SLC6A16: variants seen among roughly 807,000 people sequenced by gnomAD.
SLC6A16 encodes solute carrier family 6 member 16.
SLC6A16 carries 54 observed loss-of-function variants against 65.4 expected under a neutral mutation model. The ratio of observed to expected loss-of-function variants is 0.83; its 90% confidence interval spans 0.66 to 1.04. SLC6A16 has a LOEUF of 1.04. Ranked by LOEUF, SLC6A16 falls within the 50% of genes least tolerant of loss-of-function variation. The pLI is 0.00. For synonymous variants in SLC6A16, 330 were observed against 346.5 expected (o/e 0.95, Z 0.53); for missense variants, 816 against 914.0 (o/e 0.89, Z 1.38).
chr19:49,294,638 G>A (rs1007783272), intron 7 of SLC6A16, 85 bp from the exon 8 acceptor site: 2 of 1,215,016 alleles, frequency 1.6e-6, no homozygotes. Flanking sequence ...GATAAAAAAG[G>A]CTATCACTGG....
In SLC6A16 at chr19:49,309,014, A is replaced by G. The variant is rs544732904; in HGVS notation, c.1091T>C (p.Met364Thr). The G allele has an allele frequency of 3.1e-6, 5 of 1,614,238 alleles. No individual in the cohort carries two copies. The East Asian group carries it at 8.9e-5, about 29-fold the overall frequency. ...LGSVASLASY[M>T]PQSNNCLSDA... is the part of the protein sequence containing the mutation. ...ACTGAGACAGTTGTTGGACTGGGGC[A>G]TGTAGGAGGCTAAGGAGGCAACGGA... The change falls in exon 7 of 12, where the codon ATG becomes ACG. Residue 364 changes from methionine to threonine, a missense_variant. By Grantham distance (81) the Met-to-Thr change is moderately conservative. Coordinates refer to ENST00000335875, the MANE Select transcript of SLC6A16 (RefSeq NM_014037.3).
At chr19:49,309,508 GT>G in intron 5 of SLC6A16, 97 bp from the exon 6 acceptor site, 6 of 1,274,168 alleles carry the variant, frequency 4.7e-6, no homozygotes, top group Non-Finnish European at 6.7e-6. Context: ...ATGAGTAGGA[GT>G]TAGAAGAAAG....
At chr19:49,307,110 T>C (rs918659819) in intron 7 of SLC6A16, among the ~76,000 whole-genome samples, 7 of 148,322 alleles carry the variant, frequency 4.7e-5, no homozygotes, top group African/African-American at 1.5e-4. Context: ...ACTCCTGGGT[T>C]CAAGCAATCC....
intron 1 of SLC6A16, among the ~76,000 whole-genome samples, chr19:49,322,817 CTTTTTTTTTTTTTTTTTTTTTTTTTT>C (rs536909742): frequency 6.0e-4 from 25 of 41,968 alleles, no homozygotes; most frequent in East Asian, 1.4e-3. Context: ...GAATTAGTAG[CTTTTTTTTTTTTTTTTTTTTTTTTTT>C]TTTTTTTTTT....
chr19:49,331,445 G>T, the SLC6A16 span, among the ~76,000 whole-genome samples: 1 of 152,140 alleles, frequency 6.6e-6, no homozygotes, highest in Admixed American at 6.6e-5. Context: ...GCCTCCCAAA[G>T]TGCTGGAATT....
chr19:49,334,473 T>C, the SLC6A16 span, among the ~76,000 whole-genome samples: 1 of 151,050 alleles, frequency 6.6e-6, no homozygotes, highest in African/African-American at 2.4e-5. Context: ...GGCGACCCTG[T>C]CTCAAAAACA....
Position 49,290,109 on chromosome 19 carries a change from C to G in SLC6A16, c.*14G>C, listed in dbSNP as rs1215226114. 3.1e-6 allele frequency: 5 copies of G among 1,611,120 alleles called. No homozygotes were observed. The highest frequency in any genetic ancestry group is 4.2e-6 in the Non-Finnish European group (5 of 1,178,624). ...GTTCTAAGGGATATGTTATGTGAAG[C>G]CAAATTAATGAAGTTAGGAAGTCAC... On this transcript the variant is annotated 3_prime_UTR_variant, in exon 12 of 12. Transcript: ENST00000335875.
Position 49,293,225 on chromosome 19 carries a change from C to T in SLC6A16, c.1776G>A (p.Arg592=), listed in dbSNP as rs755144632. The T allele has an allele frequency of 8.7e-6, 14 of 1,614,124 alleles. No individual in the cohort carries two copies. In the South Asian group the frequency reaches 1.3e-4, roughly 15 times the overall value. Residue 592 remains arginine (R), a splice_region_variant and synonymous_variant, in exon 10 of 12, where the codon AGG becomes AGA. Coordinates refer to ENST00000335875, the MANE Select transcript of SLC6A16 (RefSeq NM_014037.3). ...TMAVSWAYGA[R]RFLADLTILL... ...AGAACCTGGGCTTAGGACATCACCTCCTGGCCCCATAGGCCCAGGATACAG... is the reference window on the plus strand; with the variant it reads ...AGAACCTGGGCTTAGGACATCACCTTCTGGCCCCATAGGCCCAGGATACAG...
At chr19:49,336,832 G>A in the SLC6A16 span, 2 of 1,545,928 alleles carry the variant, frequency 1.3e-6, no homozygotes, top group Non-Finnish European at 1.8e-6. Context: ...CCCCACTTGG[G>A]TGGCTGCCTA....
At chr19:49,325,881 G>A (rs936260840), upstream of SLC6A16, among the ~76,000 whole-genome samples, 3 of 151,966 alleles carry the variant, frequency 2.0e-5, no homozygotes, top group African/African-American at 7.3e-5. Context: ...AGAAATTTTG[G>A]CGCTGGGCGC....
the SLC6A16 span, chr19:49,339,448 TA>T: frequency 6.3e-7 from 1 of 1,595,848 alleles, no homozygotes. This position sits in a 1 kb window ranked among gnomAD's most constrained non-coding sequence, Gnocchi z 4.5. Context: ...CGATCGGCCC[TA>T]AATCCCTAGA....
At chr19:49,338,773 C>T in the SLC6A16 span, 4 of 1,613,686 alleles carry the variant, frequency 2.5e-6, no homozygotes, top group South Asian at 1.1e-5. This position sits in a 1 kb window ranked among gnomAD's most constrained non-coding sequence, Gnocchi z 5.0. Context: ...GGGTCGGAGG[C>T]GCACCGCGTG....
chr19:49,290,676 T>C lies in SLC6A16; in HGVS notation c.1870A>G (p.Ile624Val). ...WPHLCPVVLLIIFVTMMVHLC... is the reference protein window; with the variant it reads ...WPHLCPVVLLVIFVTMMVHLC... ...TGAACCATCATGGTCACAAAGATGATTAGCAGCACAACTGGACACAGATGG... is the reference window on the plus strand; with the variant it reads ...TGAACCATCATGGTCACAAAGATGACTAGCAGCACAACTGGACACAGATGG... The change falls in exon 11 of 12, where the codon ATC becomes GTC. Residue 624 changes from isoleucine (I) to valine (V), a missense_variant. Physicochemically the swap from Ile to Val is conservative, Grantham distance 29. Coordinates refer to ENST00000335875, the MANE Select transcript of SLC6A16 (RefSeq NM_014037.3). 1 of 1,613,996 alleles carries C rather than the reference T, an allele frequency of 6.2e-7. No homozygotes were observed. The highest frequency in any genetic ancestry group is 8.5e-7 in the Non-Finnish European group (1 of 1,179,960).
chr19:49,339,063 G>A, the SLC6A16 span: 2 of 811,940 alleles, frequency 2.5e-6, no homozygotes, highest in Non-Finnish European at 4.0e-6. This position sits in a 1 kb window ranked among gnomAD's most constrained non-coding sequence, Gnocchi z 4.5. Context: ...CGGCAGGAGG[G>A]GCGGGGCCCT....
chr19:49,324,587 G>A (rs1970768700), intron 1 of SLC6A16, among the ~76,000 whole-genome samples: 2 of 152,128 alleles, frequency 1.3e-5, no homozygotes, highest in African/African-American at 4.8e-5. Flanking sequence ...GGATCCCCCA[G>A]AAATGCCCAT....
chr19:49,339,781 G>C, the SLC6A16 span: 1 of 1,365,164 alleles, frequency 7.3e-7, no homozygotes, highest in Non-Finnish European at 9.4e-7. This position sits in a 1 kb window ranked among gnomAD's most constrained non-coding sequence, Gnocchi z 4.5. Context: ...CGGCGGCGGC[G>C]GGCACAGCGG....
chr19:49,339,986 G>T, the SLC6A16 span: 11 of 1,434,158 alleles, frequency 7.7e-6, no homozygotes, highest in South Asian at 1.6e-4. This position sits in a 1 kb window ranked among gnomAD's most constrained non-coding sequence, Gnocchi z 4.5. Flanking sequence ...GAAGACAGAT[G>T]AGCCTCCAAA....
chr19:49,325,242 C>T (rs544345387), upstream of SLC6A16: 23 of 984,420 alleles, frequency 2.3e-5, no homozygotes, highest in East Asian at 2.4e-3. Context: ...GCCGCCGCGC[C>T]CCCTCACTCT....
chr19:49,310,252 G>A, intron 3 of SLC6A16, 86 bp from the exon 4 acceptor site: 4 of 1,604,096 alleles, frequency 2.5e-6, no homozygotes, highest in South Asian at 1.1e-5. Context: ...GGAACCAAAG[G>A]GATCTGACCC....
Sources: gnomAD v4.1 joint callset for allele counts (sites outside exome capture counted in the v4.1 genomes callset) on GRCh38, gnomAD v4.1.1 for gene constraint, Gnocchi (gnomAD v3.1) non-coding constraint, MANE v1.5 for transcripts, NCBI Gene and HGNC (gene_info 2026-07-23, HGNC 2026-07-21) for gene names.